The following CSMD1 variants were observed in gnomAD, a reference collection of about 807,000 sequenced individuals.
The protein encoded by CSMD1 is CUB and Sushi multiple domains 1, also known as CUB and sushi domain-containing protein 1.
A neutral mutation model predicts 417.5 loss-of-function variants in CSMD1; 213 were observed. The ratio of observed to expected loss-of-function variants is 0.51; its 90% CI spans 0.46 to 0.57. The LOEUF (loss-of-function observed/expected upper bound fraction) is 0.57, where lower values mean the gene tolerates loss of function less well. CSMD1 is among the 20% of genes least tolerant of loss of function. The pLI is 0.00. For synonymous variants in CSMD1, 2,862 were observed against 1,736.8 expected, an observed-to-expected ratio of 1.65 and a Z score of -16.11; for missense variants, 6,923 against 4,529.7, an observed-to-expected ratio of 1.53 and a Z score of -15.17.
At chr8:3,391,173 C>G (rs1195382753) in intron 17 of CSMD1, among the ~76,000 whole-genome samples, 2 of 116,008 alleles carry the variant, frequency 1.7e-5, no homozygotes. Flanking sequence ...CGAATCTCAG[C>G]AAACAATTGG....
chr8:4,092,958 C>T (rs1019449911), intron 3 of CSMD1, among the ~76,000 whole-genome samples: 1 of 152,104 alleles, frequency 6.6e-6, no homozygotes, highest in Non-Finnish European at 1.5e-5. Context: ...TGTCACTCCT[C>T]TCTGTGTGGG....
At chr8:3,702,007 T>C (rs1437812388) in intron 7 of CSMD1, 1 of 152,014 alleles carries the variant, frequency 6.6e-6, no homozygotes, top group Non-Finnish European at 1.5e-5. Flanking sequence ...TAAGAAAACA[T>C]TGATTGCCCA....
intron 2 of CSMD1, among the ~76,000 whole-genome samples, chr8:4,442,502 G>T (rs933191487): frequency 4.6e-5 from 7 of 152,170 alleles, no homozygotes; most frequent in Middle Eastern, 6.8e-3. Flanking sequence ...GTATATAAAA[G>T]ATGTTATTCC....
At chr8:4,591,398 G>A (rs1258388653) in intron 2 of CSMD1, among the ~76,000 whole-genome samples, 1 of 152,232 alleles carries the variant, frequency 6.6e-6, no homozygotes, top group African/African-American at 2.4e-5. Context: ...TATTCCAGGT[G>A]GAGAAGGGAT....
chr8:3,016,239 T>C lies in CSMD1; in HGVS notation c.8029+2238A>G, dbSNP rs144404910. Among the ~76,000 whole-genome samples, 292 of 152,340 alleles carry C rather than the reference T, an allele frequency of 1.9e-3. 4 individuals carry two copies. The highest frequency in any genetic ancestry group is 0.014 in the Middle Eastern group (4 of 294). On this transcript the variant is annotated intron_variant, in intron 52 of 69. Transcript: ENST00000635120. ...ATATTTGGATTATGGAGGTATCCAT[T>C]TGCTACTCTACTAAATATTTGTGTA...
At chr8:3,393,015 T>G (rs1811439994) in intron 17 of CSMD1, among the ~76,000 whole-genome samples, 1 of 152,212 alleles carries the variant, frequency 6.6e-6, no homozygotes, top group African/African-American at 2.4e-5. Flanking sequence ...CAAAAAGCCA[T>G]GTCCTGAACC....
intron 1 of CSMD1, among the ~76,000 whole-genome samples, chr8:4,874,425 T>A (rs993887169): frequency 6.7e-6 from 1 of 150,016 alleles, no homozygotes; most frequent in African/African-American, 2.5e-5. Context: ...AGTCTTGCTC[T>A]GTCACCCAGG....
At chr8:3,192,219 C>A (rs1458636465) in intron 33 of CSMD1, among the ~76,000 whole-genome samples, 1 of 152,188 alleles carries the variant, frequency 6.6e-6, no homozygotes, top group Admixed American at 6.5e-5. Context: ...TTATCAGAAT[C>A]ATTCTTCTCC....
chr8:2,969,300 T>C (rs648885), intron 57 of CSMD1, among the ~76,000 whole-genome samples: 53,893 of 151,944 alleles, frequency 0.35, 10,215 homozygotes, highest in East Asian at 0.55. Context: ...TTTATCATAA[T>C]TTCATCTGAA....
intron 31 of CSMD1, among the ~76,000 whole-genome samples, chr8:3,202,160 T>C (rs1314144504): frequency 6.6e-6 from 1 of 152,062 alleles, no homozygotes; most frequent in Non-Finnish European, 1.5e-5. Flanking sequence ...AGAGTGAGAC[T>C]CTGTCTCAAG....
intron 11 of CSMD1, among the ~76,000 whole-genome samples, chr8:3,473,155 G>T (rs1031649867): frequency 6.6e-6 from 1 of 152,108 alleles, no homozygotes; most frequent in African/African-American, 2.4e-5. Context: ...CCTCTCAGTC[G>T]ATATATTTAA....
At chr8:3,116,373 G>A (rs963630132) in intron 42 of CSMD1, among the ~76,000 whole-genome samples, 4 of 152,136 alleles carry the variant, frequency 2.6e-5, no homozygotes, top group African/African-American at 7.2e-5. Context: ...GAGATATGTG[G>A]CATCCTCCTG....
chr8:4,849,108 C>A (rs1314040543), intron 1 of CSMD1, among the ~76,000 whole-genome samples: 3 of 152,138 alleles, frequency 2.0e-5, no homozygotes, highest in African/African-American at 7.2e-5. Context: ...ATGTATGATT[C>A]TGACCTTGTG....
At chr8:3,160,748 T>C (rs1198780831) in intron 38 of CSMD1, among the ~76,000 whole-genome samples, 1 of 152,256 alleles carries the variant, frequency 6.6e-6, no homozygotes, top group Non-Finnish European at 1.5e-5. Flanking sequence ...ATTTCACAGA[T>C]ATTTTCTCTA....
At chr8:4,302,151 G>C (rs1019478499) in intron 3 of CSMD1, among the ~76,000 whole-genome samples, 6 of 152,128 alleles carry the variant, frequency 3.9e-5, no homozygotes, top group Admixed American at 3.9e-4. Flanking sequence ...ACAGTTTATG[G>C]ACTTAAGGCC....
At chr8:3,943,844 A>C (rs1392904452) in intron 5 of CSMD1, among the ~76,000 whole-genome samples, 1 of 152,154 alleles carries the variant, frequency 6.6e-6, no homozygotes, top group African/African-American at 2.4e-5. Context: ...GAAGGAAAAA[A>C]TTGCCGTTTC....
At position 4,271,570 on chromosome 8, in the gene CSMD1, GA is replaced by G. The variant is rs893122188; in HGVS notation, c.415+148382del. On this transcript the variant is annotated intron_variant, in intron 3 of 69. Transcript: ENST00000635120. ...CATTACAATTACATTTCAAAAGAGA[GA>G]AAAAAAAAAGGCAAAGAAAATCTCA... Among the ~76,000 whole-genome samples the G allele has an allele frequency of 1.5e-3, 218 of 143,142 alleles. 2 individuals are homozygous for G. In the East Asian group the frequency reaches 0.034, roughly 23 times the overall value. The allele number at this position is 143,142 out of a possible 152,430, so 93.9% of individuals were successfully genotyped here. A position where few individuals can be genotyped will look rare whatever the true frequency, so the allele number is the denominator to read the frequency against.
intron 10 of CSMD1, among the ~76,000 whole-genome samples, chr8:3,523,691 A>C (rs370647010): frequency 6.6e-6 from 1 of 151,938 alleles, no homozygotes; most frequent in Non-Finnish European, 1.5e-5. Flanking sequence ...CCAGAGAGAC[A>C]TATGCACACA....
rs62504374 is a variant in CSMD1, at chr8:3,295,858, C to T, written c.3951-11512G>A. On this transcript the variant is annotated intron_variant, in intron 25 of 69. Transcript: ENST00000635120. ...CATCATTTTGCATCTATAAGACGTT[C>T]CCTTTTTGATTTAGTTCAATAATTC... 2.0e-3 allele frequency among the ~76,000 whole-genome samples: 309 copies of T among 152,248 alleles called. 2 individuals are homozygous for T. Among genetic ancestry groups the T allele is most frequent in the African/African-American group, 6.9e-3 (285 of 41,544 alleles).
Sources: allele counts gnomAD v4.1 joint callset (sites outside exome capture counted in the v4.1 genomes callset), GRCh38; gene constraint gnomAD v4.1.1; transcripts MANE v1.5; gene names NCBI Gene and HGNC (gene_info 2026-07-23, HGNC 2026-07-21).